Variants in SLC35D1 observed in about 807,000 individuals in gnomAD.
SLC35D1 encodes the protein nucleotide sugar transporter SLC35D1.
Under a neutral mutation model 46.7 loss-of-function variants are expected in SLC35D1, and 31 were observed. The ratio of observed to expected loss-of-function variants is 0.66; its 90% CI spans 0.50 to 0.90. SLC35D1 has a LOEUF of 0.90. Among genes scored for constraint, SLC35D1 ranks in the 40% least tolerant of loss-of-function variants. SLC35D1 has a pLI of 0.00. For missense variants in SLC35D1, 397 were observed against 426.2 expected (o/e 0.93, Z 0.60); for synonymous variants, 195 against 164.6 (o/e 1.18, Z -1.41).
chr1:66,978,159 GCACTC>G, the SLC35D1 span, among the ~76,000 whole-genome samples: 1 of 147,980 alleles, frequency 6.8e-6, no homozygotes, highest in Non-Finnish European at 1.5e-5. Flanking sequence ...TCAAACCACT[GCACTC>G]CAGCCTGGGC....
intron 8 of SLC35D1, among the ~76,000 whole-genome samples, chr1:67,029,408 C>T (rs1182985385): frequency 6.6e-6 from 1 of 152,200 alleles, no homozygotes. Context: ...TCATGCTACG[C>T]TCCTTCATAC....
chr1:67,009,104 A>G lies in SLC35D1; in HGVS notation c.940T>C (p.Phe314Leu). 1.3e-6 allele frequency: 2 copies of G among 1,506,214 alleles called. No individual in the cohort carries two copies. Among genetic ancestry groups the G allele is most frequent in the Non-Finnish European group, 1.8e-6 (2 of 1,084,884 alleles). 93.3% of individuals were successfully genotyped at this position (1,506,214 alleles called of 1,614,324 possible). ...ACTTACCTGATATTTAAACCAATGA[A>G]GTTTGTCCACGTGAAAATATAATCT... ...GGDYIFTWTN[F>L]IGLNISIAGS... is the part of the protein sequence containing the mutation. Residue 314 changes from phenylalanine to leucine, a missense_variant, in exon 11 of 12, where the codon TTC becomes CTC. By Grantham distance (22) the Phe-to-Leu change is conservative. Coordinates refer to ENST00000235345, the MANE Select transcript of SLC35D1 (RefSeq NM_015139.3).
At chr1:66,978,290 G>A in the SLC35D1 span, among the ~76,000 whole-genome samples, 1 of 94,036 alleles carries the variant, frequency 1.1e-5, no homozygotes, top group Non-Finnish European at 2.7e-5. Flanking sequence ...TCATTTATAG[G>A]TAGGTATCTC....
intron 8 of SLC35D1, among the ~76,000 whole-genome samples, chr1:67,041,341 G>C (rs1429037298): frequency 1.3e-5 from 2 of 152,124 alleles, no homozygotes; most frequent in Non-Finnish European, 2.9e-5. Context: ...GAGGTATGAT[G>C]GGGGGTGGGA....
intron 8 of SLC35D1, among the ~76,000 whole-genome samples, chr1:67,039,520 T>TGTGTGTGTGTGTGC (rs753428337): frequency 1.3e-5 from 2 of 148,396 alleles, no homozygotes; most frequent in African/African-American, 5.1e-5. Flanking sequence ...TGTGTGTGTG[T>TGTGTGTGTGTGTGC]GCGCGCGTGG....
At chr1:67,031,196 T>A (rs192805612) in intron 8 of SLC35D1, among the ~76,000 whole-genome samples, 10 of 152,340 alleles carry the variant, frequency 6.6e-5, no homozygotes, top group African/African-American at 2.4e-4. Context: ...ATGGGACTTT[T>A]TTTTTATTTC....
chr1:66,981,550 G>T, the SLC35D1 span, among the ~76,000 whole-genome samples: 2 of 152,034 alleles, frequency 1.3e-5, no homozygotes, highest in African/African-American at 2.4e-5. Flanking sequence ...TTTCCTATGG[G>T]TCTCTAAAAT....
chr1:67,014,612 A>G (rs185136651), intron 10 of SLC35D1, among the ~76,000 whole-genome samples: 1 of 151,774 alleles, frequency 6.6e-6, no homozygotes, highest in East Asian at 1.9e-4. Context: ...GTAATCCTTA[A>G]TAAATTAAAA....
chr1:67,017,699 G>T (rs1029583586), intron 10 of SLC35D1, among the ~76,000 whole-genome samples: 13 of 152,076 alleles, frequency 8.5e-5, no homozygotes, highest in Admixed American at 2.0e-4. Flanking sequence ...ATTAACCTTG[G>T]TTTTTTCTTC....
At chr1:67,024,295 T>C (rs138673362) in intron 8 of SLC35D1, among the ~76,000 whole-genome samples, 2 of 152,314 alleles carry the variant, frequency 1.3e-5, no homozygotes, top group African/African-American at 4.8e-5. Context: ...AAAATGTTAA[T>C]GTTGATGTAG....
At chr1:67,030,049 G>A (rs1331266197) in intron 8 of SLC35D1, among the ~76,000 whole-genome samples, 1 of 150,346 alleles carries the variant, frequency 6.7e-6, no homozygotes, top group Non-Finnish European at 1.5e-5. Context: ...GCATAACCCA[G>A]TAAGCCATCA....
chr1:66,976,712 C>A, the SLC35D1 span: 1 of 1,598,930 alleles, frequency 6.3e-7, no homozygotes, highest in Non-Finnish European at 8.5e-7. Flanking sequence ...TAATCTTCAT[C>A]CTGGTGTAAC....
At chr1:67,031,266 T>A (rs949603691) in intron 8 of SLC35D1, among the ~76,000 whole-genome samples, 1 of 152,164 alleles carries the variant, frequency 6.6e-6, no homozygotes, top group African/African-American at 2.4e-5. Context: ...CGCTGTTGCA[T>A]TCCTCTGCTT....
the SLC35D1 span, among the ~76,000 whole-genome samples, chr1:66,982,549 TTTGA>T: frequency 4.7e-4 from 72 of 152,306 alleles, no homozygotes; most frequent in Admixed American, 2.4e-3. Flanking sequence ...AGAGAATTAT[TTTGA>T]TTTCTTCTTT....
the SLC35D1 span, among the ~76,000 whole-genome samples, chr1:66,975,665 G>C: frequency 6.6e-6 from 1 of 152,140 alleles, no homozygotes; most frequent in African/African-American, 2.4e-5. Flanking sequence ...AATTCTGTCA[G>C]CATCATTTAA....
At chr1:67,006,024 C>A (rs1286879680) in intron 11 of SLC35D1, among the ~76,000 whole-genome samples, 3 of 152,104 alleles carry the variant, frequency 2.0e-5, no homozygotes, top group African/African-American at 7.2e-5. Context: ...CTTTCCCCCC[C>A]TTTCTGTGGA....
chr1:67,042,070 G>A (rs549718200), intron 8 of SLC35D1, among the ~76,000 whole-genome samples, 166 bp downstream of exon 8: 25 of 152,224 alleles, frequency 1.6e-4, no homozygotes, highest in African/African-American at 5.8e-4. Flanking sequence ...CAATGTTTAC[G>A]CCAAGAAAAG....
chr1:66,985,016 A>G, the SLC35D1 span: 1 of 1,408,800 alleles, frequency 7.1e-7, no homozygotes, highest in Non-Finnish European at 9.2e-7. Flanking sequence ...ATTTGAATTG[A>G]GTCTTAACTT....
intron 9 of SLC35D1, 90 bp from the exon 10 acceptor site, chr1:67,020,537 C>T (rs567381817): frequency 3.3e-6 from 3 of 900,878 alleles, no homozygotes; most frequent in Admixed American, 1.8e-5. Flanking sequence ...CAAGCCAGCA[C>T]ATTCTAGTCA....
Sources: gnomAD v4.1 joint callset for allele counts (sites outside exome capture counted in the v4.1 genomes callset) on GRCh38, gnomAD v4.1.1 for gene constraint, MANE v1.5 for transcripts, NCBI Gene and HGNC (gene_info 2026-07-23, HGNC 2026-07-21) for gene names.